The following ZBTB38 variants were observed in gnomAD, a reference collection of about 807,000 sequenced individuals.
ZBTB38 encodes zinc finger and BTB domain-containing protein 38.
Under a neutral mutation model 76.8 loss-of-function variants are expected in ZBTB38, and 20 were observed. That is an observed-to-expected ratio of 0.26 (90% CI 0.18 to 0.38). The LOEUF (loss-of-function observed/expected upper bound fraction) is 0.38. ZBTB38 is among the 10% of genes least tolerant of loss of function. The probability of loss-of-function intolerance (pLI) is 1.00; values close to 1 mark genes in which losing one functional copy is unlikely to be tolerated. For synonymous variants in ZBTB38, 504 were observed against 544.2 expected (o/e 0.93, Z 1.03); for missense variants, 1,082 against 1,482.3 (o/e 0.73, Z 4.43).
chr3:141,355,539 G>GC lies in ZBTB38; in HGVS notation c.-738-13080dup, dbSNP rs201530455. On this transcript the variant is annotated intron_variant, in intron 1 of 7. Coordinates refer to the ZBTB38 transcript ENST00000509842. ...CTTGGTGCTGTGCTTGTCTCCCCTG[G>GC]CCACAGGTTATCCATGGAGAGCCCT... Among the ~76,000 whole-genome samples the GC allele has an allele frequency of 5.7e-3, 866 of 152,146 alleles. 9 individuals are homozygous for GC. Among genetic ancestry groups the GC allele is most frequent in the African/African-American group, 0.02 (824 of 41,502 alleles).
chr3:141,416,316 G>T (rs190584921), intron 5 of ZBTB38, among the ~76,000 whole-genome samples: 15 of 152,278 alleles, frequency 9.9e-5, no homozygotes, highest in African/African-American at 3.6e-4. Flanking sequence ...GCATGGCCTG[G>T]CTTTTTGTGA....
intron 5 of ZBTB38, among the ~76,000 whole-genome samples, chr3:141,436,634 A>T (rs1276508923): frequency 6.6e-6 from 1 of 152,086 alleles, no homozygotes; most frequent in Non-Finnish European, 1.5e-5. Context: ...AGTAGCTGGG[A>T]CTACAGGCAC....
At chr3:141,353,410 G>T (rs182484297) in intron 1 of ZBTB38, among the ~76,000 whole-genome samples, 3 of 152,134 alleles carry the variant, frequency 2.0e-5, no homozygotes, top group Admixed American at 2.0e-4. Flanking sequence ...GAAAAGTAAA[G>T]AATTCTAAAA....
At chr3:141,346,769 T>TTTTTG (rs1437534705) in intron 1 of ZBTB38, among the ~76,000 whole-genome samples, 3 of 133,334 alleles carry the variant, frequency 2.2e-5, no homozygotes, top group Non-Finnish European at 4.7e-5. Context: ...TCTCCGAGGT[T>TTTTTG]TTTTGTTTTG....
At chr3:141,433,321 G>GTT (rs1388752539) in intron 5 of ZBTB38, among the ~76,000 whole-genome samples, 1 of 143,126 alleles carries the variant, frequency 7.0e-6, no homozygotes, top group Non-Finnish European at 1.5e-5. Context: ...TTTGACTTTT[G>GTT]TTTTGTTTTT....
In ZBTB38 at chr3:141,442,682, C is replaced by T. The variant is rs2080516327; in HGVS notation, c.294C>T (p.Val98=). 1.2e-6 allele frequency: 2 copies of T among 1,614,010 alleles called. No individual in the cohort carries two copies. The highest frequency in any genetic ancestry group is 1.3e-5 in the African/African-American group (1 of 74,908). ...LNYIYSSTVV[V]KRQETVTDLA... ...ATATCTACAGTTCCACAGTCGTTGT[C>T]AAGAGACAGGAAACAGTCACTGATC... Residue 98 remains valine, a synonymous_variant, in exon 6 of 6, where the codon GTC becomes GTT. Coordinates refer to ENST00000321464, the MANE Select transcript of ZBTB38 (RefSeq NM_001376113.1). This position sits in a 1 kb window ranked among gnomAD's most constrained non-coding sequence, Gnocchi z 6.4.
chr3:141,418,717 TTAG>T (rs2074659968), intron 5 of ZBTB38, among the ~76,000 whole-genome samples: 1 of 152,250 alleles, frequency 6.6e-6, no homozygotes, highest in African/African-American at 2.4e-5. Context: ...TGAAAATGTG[TTAG>T]TAGTAGTAAT....
chr3:141,353,436 C>G (rs2311847), intron 1 of ZBTB38, among the ~76,000 whole-genome samples: 3,973 of 152,180 alleles, frequency 0.026, 185 homozygotes, highest in East Asian at 0.11. Context: ...CATTGAATGT[C>G]TTCACTCTTG....
At chr3:141,336,698 G>A (rs566076987) in intron 1 of ZBTB38, among the ~76,000 whole-genome samples, 4 of 152,220 alleles carry the variant, frequency 2.6e-5, no homozygotes, top group East Asian at 1.9e-4. Flanking sequence ...TGTGTTGTGC[G>A]GTTTCTCACT....
chr3:141,399,328 T>G (rs1281716112), intron 4 of ZBTB38, among the ~76,000 whole-genome samples: 1 of 152,166 alleles, frequency 6.6e-6, no homozygotes, highest in East Asian at 1.9e-4. Context: ...TTCATGCCAC[T>G]TCCCATAAGC....
At chr3:141,422,195 A>G (rs2075540662) in intron 5 of ZBTB38, among the ~76,000 whole-genome samples, 1 of 152,210 alleles carries the variant, frequency 6.6e-6, no homozygotes, top group Non-Finnish European at 1.5e-5. Context: ...CCTTTCCAGG[A>G]GTATGCTGCA....
intron 4 of ZBTB38, among the ~76,000 whole-genome samples, chr3:141,399,898 G>A (rs1044385760): frequency 1.3e-5 from 2 of 151,372 alleles, no homozygotes; most frequent in Non-Finnish European, 2.9e-5. Flanking sequence ...AAAGGCCCCT[G>A]GAAAAGGATA....
intron 5 of ZBTB38, among the ~76,000 whole-genome samples, chr3:141,423,574 G>A (rs2075833473): frequency 6.6e-6 from 1 of 152,060 alleles, no homozygotes. Context: ...TGAAGACAAA[G>A]ATAACTCACT....
At chr3:141,356,467 G>T (rs1943667464) in intron 1 of ZBTB38, among the ~76,000 whole-genome samples, 2 of 152,148 alleles carry the variant, frequency 1.3e-5, no homozygotes, top group Admixed American at 6.5e-5. Flanking sequence ...AATATGCCAG[G>T]TTCAGGGGAA....
intron 1 of ZBTB38, among the ~76,000 whole-genome samples, chr3:141,333,935 A>G (rs915586722): frequency 6.6e-6 from 1 of 152,188 alleles, no homozygotes; most frequent in African/African-American, 2.4e-5. Flanking sequence ...GACAACATGG[A>G]AAGTCAGAAA....
chr3:141,397,139 T>G (rs1950529563), intron 4 of ZBTB38, among the ~76,000 whole-genome samples: 1 of 152,252 alleles, frequency 6.6e-6, no homozygotes, highest in African/African-American at 2.4e-5. Flanking sequence ...GTAGCCACCT[T>G]CATCAATTGT....
intron 3 of ZBTB38, among the ~76,000 whole-genome samples, chr3:141,385,679 T>TGTGTGC (rs1491583991): frequency 7.0e-6 from 1 of 143,174 alleles, no homozygotes; most frequent in East Asian, 2.1e-4. Context: ...TGTGTGTGTG[T>TGTGTGC]GCGCGTGTGT....
At chr3:141,395,782 C>T (rs982391346) in intron 4 of ZBTB38, among the ~76,000 whole-genome samples, 1 of 152,068 alleles carries the variant, frequency 6.6e-6, no homozygotes, top group African/African-American at 2.4e-5. Flanking sequence ...TTCAATAAAG[C>T]GAATGTTGCA....
Position 141,423,776 on chromosome 3 carries a change from T to A in ZBTB38, c.1-18613T>A, listed in dbSNP as rs533726624. ...TTTAATTATTTTTTACTGAACAAAA[T>A]ACAAACTAATGAATCCACTAAACTG... On this transcript the variant is annotated intron_variant, in intron 5 of 5. Coordinates refer to ENST00000321464, the MANE Select transcript of ZBTB38 (RefSeq NM_001376113.1). Among the ~76,000 whole-genome samples the A allele has an allele frequency of 2.0e-5, 3 of 152,200 alleles. No individual in the cohort carries two copies. The East Asian group carries it at 5.8e-4, about 29-fold the overall frequency.
Sources: allele counts gnomAD v4.1 joint callset (sites outside exome capture counted in the v4.1 genomes callset), GRCh38; gene constraint gnomAD v4.1.1; non-coding constraint Gnocchi (gnomAD v3.1); transcripts MANE v1.5; gene names NCBI Gene and HGNC (gene_info 2026-07-23, HGNC 2026-07-21).